Variants in SGPP1 observed in about 807,000 individuals in gnomAD.
The protein encoded by SGPP1 is sphingosine-1-phosphate phosphatase 1, also known as hSPP1.
In SGPP1, 21 loss-of-function variants were observed where a neutral mutation model predicts 33.0. The ratio of observed to expected loss-of-function variants is 0.64; its 90% CI spans 0.45 to 0.92. The LOEUF (loss-of-function observed/expected upper bound fraction) is 0.92, where lower values mean the gene tolerates loss of function less well. Ranked by LOEUF, SGPP1 falls within the 40% of genes least tolerant of loss-of-function variation. The pLI is 0.00. For missense variants in SGPP1, 543 were observed against 589.4 expected (o/e 0.92, Z 0.81); for synonymous variants, 239 against 241.2 (o/e 0.99, Z 0.08).
At chr14:63,692,176 C>A (rs1201634084) in intron 2 of SGPP1, among the ~76,000 whole-genome samples, 1 of 152,230 alleles carries the variant, frequency 6.6e-6, no homozygotes, top group Non-Finnish European at 1.5e-5. Flanking sequence ...CCATAACAAC[C>A]AATATGAAAC....
intron 1 of SGPP1, among the ~76,000 whole-genome samples, chr14:63,703,190 T>C (rs1885335686): frequency 6.6e-6 from 1 of 151,150 alleles, no homozygotes. Context: ...AAATCAGCTG[T>C]GTTTCTACAT....
rs931803892 is a variant in SGPP1 at position 63,727,724 on chromosome 14, T to C, written c.221A>G (p.Asn74Ser). Residue 74 changes from asparagine to serine, a missense_variant, in exon 1 of 3, where the codon AAT becomes AGT. Physicochemically the swap from Asn to Ser is conservative, Grantham distance 46 (BLOSUM62 1). Transcript: ENST00000247225. ...GGPQPPGSDR[N>S]QCPAKPDGGG... ...GCCGTCCGGCTTGGCCGGGCACTGA[T>C]TGCGGTCGCTCCCGGGAGGCTGGGG... 9.8e-6 allele frequency: 14 copies of C among 1,435,102 alleles called. No individual in the cohort carries two copies. Among genetic ancestry groups the C allele is most frequent in the Middle Eastern group, 4.6e-4 (2 of 4,342 alleles). 88.9% of individuals were successfully genotyped at this position (1,435,102 alleles called of 1,614,324 possible).
In SGPP1 at chr14:63,716,920, T is replaced by C. The variant is rs532588387; in HGVS notation, c.684+10341A>G. On this transcript the variant is annotated intron_variant, in intron 1 of 2. Transcript: ENST00000247225. ...GTTGGCCAGGCTGGTCTCAAACTCC[T>C]GACCTCAGCTGATCCACCTGCCTTG... 5.3e-5 allele frequency among the ~76,000 whole-genome samples: 8 copies of C among 152,266 alleles called. No individual in the cohort carries two copies. In the South Asian group the frequency reaches 1.2e-3, roughly 24 times the overall value.
intron 1 of SGPP1, among the ~76,000 whole-genome samples, chr14:63,724,616 TAAAAAAAA>T (rs34386504): frequency 5.9e-5 from 5 of 85,004 alleles, no homozygotes; most frequent in Admixed American, 1.3e-4. Flanking sequence ...CAAGGATCTT[TAAAAAAAA>T]AAAAAAAAAA....
intron 1 of SGPP1, among the ~76,000 whole-genome samples, chr14:63,725,840 TAA>T (rs1304559090): frequency 6.6e-6 from 1 of 152,158 alleles, no homozygotes; most frequent in African/African-American, 2.4e-5. Flanking sequence ...TACAGAATCC[TAA>T]AAGTCTCACG....
chr14:63,715,814 C>G (rs1032012641), intron 1 of SGPP1, among the ~76,000 whole-genome samples: 4 of 152,114 alleles, frequency 2.6e-5, no homozygotes, highest in African/African-American at 9.7e-5. Context: ...ATCCACCAGA[C>G]TGTAGAAAAA....
chr14:63,697,554 C>A (rs1885211815), intron 2 of SGPP1, among the ~76,000 whole-genome samples: 2 of 152,106 alleles, frequency 1.3e-5, no homozygotes, highest in African/African-American at 4.8e-5. Flanking sequence ...AGTTAAAACA[C>A]ACAGTTGCTG....
chr14:63,702,632 C>T (rs1257278131), intron 1 of SGPP1, among the ~76,000 whole-genome samples: 1 of 152,036 alleles, frequency 6.6e-6, no homozygotes, highest in South Asian at 2.1e-4. Context: ...ATCGCTTGAA[C>T]CTGGGAGGCA....
chr14:63,698,713 A>C, intron 1 of SGPP1, 55 bp from the exon 2 acceptor site: 1 of 997,742 alleles, frequency 1.0e-6, no homozygotes, highest in South Asian at 1.7e-5. Context: ...GATATAAACA[A>C]ACAAATAAAA....
intron 2 of SGPP1, among the ~76,000 whole-genome samples, chr14:63,696,682 T>C (rs1885193352): frequency 6.6e-6 from 1 of 152,190 alleles, no homozygotes; most frequent in African/African-American, 2.4e-5. Flanking sequence ...ACAAATAATT[T>C]GTTTATTAAA....
chr14:63,691,125 CTTTA>C (rs549720698), intron 2 of SGPP1, among the ~76,000 whole-genome samples: 10 of 152,182 alleles, frequency 6.6e-5, no homozygotes, highest in South Asian at 2.1e-4. Context: ...ATTGTATTCT[CTTTA>C]TTTAAATAAG....
chr14:63,698,654 G>C lies in SGPP1; in HGVS notation c.689C>G (p.Pro230Arg), dbSNP rs902447406. Residue 230 changes from proline (P) to arginine (R), a missense_variant, in exon 2 of 3, where the codon CCT (proline) becomes CGT (arginine). Coordinates refer to ENST00000247225, the MANE Select transcript of SGPP1 (RefSeq NM_030791.4). ...VLLTYGRWQY[P>R]LIYGLILIPC... ...AATAAGAATCAGTCCATATATAAGAGGGTACTAAAGGGGAAAAAAAGTAAA... is the reference window on the plus strand; with the variant it reads ...AATAAGAATCAGTCCATATATAAGACGGTACTAAAGGGGAAAAAAAGTAAA... 6.5e-7 allele frequency: 1 copy of C among 1,548,160 alleles called. No individual in the cohort carries two copies. The highest frequency in any genetic ancestry group is 2.1e-5 in the Admixed American group (1 of 46,740).
In SGPP1 at chr14:63,685,948, G is replaced by A. The variant is rs2139621781; in HGVS notation, c.*157C>T. The stretch of plus-strand genomic sequence containing the variant: ...CTCACCTAAAACAGTATCTGGATGT[G>A]CAATGATAAAATGCACTGACTCTTA... On this transcript the variant is annotated 3_prime_UTR_variant, in exon 3 of 3. Coordinates refer to ENST00000247225, the MANE Select transcript of SGPP1 (RefSeq NM_030791.4). The A allele has an allele frequency of 1.4e-5, 7 of 513,530 alleles. No homozygotes were observed. The East Asian group carries it at 1.6e-4, about 11-fold the overall frequency. 31.8% of individuals were successfully genotyped at this position (513,530 alleles called of 1,614,324 possible). A position where few individuals can be genotyped will look rare whatever the true frequency, so the allele number is the denominator to read the frequency against.
At chr14:63,715,026 C>CT (rs1164699481) in intron 1 of SGPP1, among the ~76,000 whole-genome samples, 5,320 of 132,676 alleles carry the variant, frequency 0.04, 156 homozygotes, top group Admixed American at 0.084. Context: ...CCCAGCCGAC[C>CT]TTTTTTTTTT....
At chr14:63,690,462 TAAG>T (rs2139627379) in intron 2 of SGPP1, among the ~76,000 whole-genome samples, 1 of 152,294 alleles carries the variant, frequency 6.6e-6, no homozygotes, top group East Asian at 1.9e-4. Context: ...CTTTGGAATA[TAAG>T]AATAGCTGGA....
intron 2 of SGPP1, among the ~76,000 whole-genome samples, chr14:63,693,734 C>T (rs745706530): frequency 6.6e-6 from 1 of 152,118 alleles, no homozygotes; most frequent in Non-Finnish European, 1.5e-5. Flanking sequence ...CCACCTTGAC[C>T]TCGTGAGTAG....
At chr14:63,718,993 TATATATATATATATATA>T (rs1566536573) in intron 1 of SGPP1, among the ~76,000 whole-genome samples, 2 of 19,748 alleles carry the variant, frequency 1.0e-4, no homozygotes, top group African/African-American at 5.0e-4. Flanking sequence ...TATATATATA[TATATATATATATATATA>T]TATATTTTTT....
At chr14:63,719,136 TC>T (rs1214151924) in intron 1 of SGPP1, among the ~76,000 whole-genome samples, 1 of 145,178 alleles carries the variant, frequency 6.9e-6, no homozygotes, top group Non-Finnish European at 1.5e-5. Context: ...CAAGCGATTC[TC>T]CTGCCTCAGC....
At chr14:63,704,650 G>A (rs541514006) in intron 1 of SGPP1, among the ~76,000 whole-genome samples, 1 of 152,214 alleles carries the variant, frequency 6.6e-6, no homozygotes, top group Admixed American at 6.5e-5. Flanking sequence ...AGGTGTTCAA[G>A]ACCAGCCTGG....
Sources: gnomAD v4.1 joint callset for allele counts (sites outside exome capture counted in the v4.1 genomes callset) on GRCh38, gnomAD v4.1.1 for gene constraint, MANE v1.5 for transcripts, NCBI Gene and HGNC (gene_info 2026-07-23, HGNC 2026-07-21) for gene names.